Variants in ZBTB20 observed in about 807,000 individuals in gnomAD.
ZBTB20 encodes the protein zinc finger and BTB domain containing 20.
ZBTB20 carries 9 observed loss-of-function variants against 56.9 expected under a neutral mutation model. The ratio of observed to expected loss-of-function variants is 0.16; its 90% CI spans 0.10 to 0.28. The LOEUF (loss-of-function observed/expected upper bound fraction) is 0.28. Among genes scored for constraint, ZBTB20 ranks in the 10% least tolerant of loss-of-function variants. The probability of loss-of-function intolerance (pLI) is 1.00; values close to 1 mark genes in which losing one functional copy is unlikely to be tolerated. For missense variants in ZBTB20, 655 were observed against 1,003.0 expected (o/e 0.65, Z 4.69); for synonymous variants, 417 against 420.7 (o/e 0.99, Z 0.11).
intron 2 of ZBTB20, among the ~76,000 whole-genome samples, chr3:115,000,079 A>G (rs1275595141): frequency 6.6e-6 from 1 of 151,578 alleles, no homozygotes; most frequent in Admixed American, 6.6e-5. Flanking sequence ...GCCATCTCGT[A>G]GAGTGCTATT....
At chr3:114,589,477 C>G (rs1284519186) in intron 6 of ZBTB20, among the ~76,000 whole-genome samples, 1 of 152,118 alleles carries the variant, frequency 6.6e-6, no homozygotes, top group Admixed American at 6.5e-5. Flanking sequence ...GATTTTCTGT[C>G]CTATTCTGTG....
intron 6 of ZBTB20, among the ~76,000 whole-genome samples, chr3:114,527,992 ATTT>A (rs35884469): frequency 7.0e-6 from 1 of 142,456 alleles, no homozygotes; most frequent in Non-Finnish European, 1.5e-5. Flanking sequence ...TCCCTTCATA[ATTT>A]TTTTTTTTTT....
intron 2 of ZBTB20, among the ~76,000 whole-genome samples, chr3:115,070,955 C>A (rs2082388278): frequency 6.7e-6 from 1 of 149,806 alleles, no homozygotes; most frequent in African/African-American, 2.5e-5. Context: ...TGGAGTAAAT[C>A]AATTCACCTC....
intron 4 of ZBTB20, among the ~76,000 whole-genome samples, chr3:114,851,471 T>C (rs556781982): frequency 5.9e-5 from 9 of 152,248 alleles, no homozygotes; most frequent in Non-Finnish European, 1.3e-4. Context: ...ATATAAAGTA[T>C]TCATTATAAT....
chr3:114,474,996 T>C (rs2040581788), intron 7 of ZBTB20, among the ~76,000 whole-genome samples: 1 of 152,158 alleles, frequency 6.6e-6, no homozygotes, highest in Non-Finnish European at 1.5e-5. Flanking sequence ...CTAAAAACTT[T>C]CAATAGCTCC....
At chr3:115,119,848 T>G (rs1172900411) in intron 1 of ZBTB20, among the ~76,000 whole-genome samples, 1 of 152,180 alleles carries the variant, frequency 6.6e-6, no homozygotes, top group African/African-American at 2.4e-5. Context: ...GAATTACTTA[T>G]ATGACACTTA....
chr3:115,088,118 G>T (rs1253579800), intron 1 of ZBTB20, among the ~76,000 whole-genome samples: 2 of 151,862 alleles, frequency 1.3e-5, no homozygotes, highest in Non-Finnish European at 2.9e-5. Flanking sequence ...ATGCCCTACA[G>T]GATTTTTCCT....
chr3:114,838,616 G>A (rs2074233319), intron 4 of ZBTB20, among the ~76,000 whole-genome samples: 1 of 152,114 alleles, frequency 6.6e-6, no homozygotes, highest in Admixed American at 6.5e-5. Flanking sequence ...ATGTAATGGG[G>A]TTATGAAATT....
At chr3:114,983,763 TGTTA>T in intron 2 of ZBTB20, among the ~76,000 whole-genome samples, 1 of 152,210 alleles carries the variant, frequency 6.6e-6, no homozygotes, top group South Asian at 2.1e-4. Context: ...TTAAGTAATT[TGTTA>T]AACTAAATTA....
intron 6 of ZBTB20, among the ~76,000 whole-genome samples, chr3:114,578,708 C>T (rs1577713267): frequency 6.6e-6 from 1 of 151,442 alleles, no homozygotes; most frequent in African/African-American, 2.4e-5. Flanking sequence ...AGATAAATTG[C>T]TATTTAAGAT....
chr3:114,885,511 A>G (rs1448025328), intron 4 of ZBTB20, among the ~76,000 whole-genome samples: 1 of 152,062 alleles, frequency 6.6e-6, no homozygotes, highest in East Asian at 1.9e-4. Context: ...TTATTTACTC[A>G]TGATAGAAGA....
chr3:114,564,178 G>C (rs190373522), intron 6 of ZBTB20, among the ~76,000 whole-genome samples: 1 of 152,074 alleles, frequency 6.6e-6, no homozygotes, highest in Non-Finnish European at 1.5e-5. Flanking sequence ...TGATCCTCCT[G>C]CCTGCCTCTT....
intron 7 of ZBTB20, among the ~76,000 whole-genome samples, chr3:114,396,152 T>C (rs1159851492): frequency 6.6e-6 from 1 of 152,196 alleles, no homozygotes; most frequent in Non-Finnish European, 1.5e-5. Context: ...AAGATCGTTT[T>C]AAACTTTGTA....
chr3:114,470,401 GTAGT>G (rs759715844), intron 7 of ZBTB20, among the ~76,000 whole-genome samples: 8 of 152,036 alleles, frequency 5.3e-5, no homozygotes, highest in Non-Finnish European at 1.2e-4. Flanking sequence ...ATGTTTTATA[GTAGT>G]TAGTTTTTTA....
At position 114,327,049 on chromosome 3, in the gene ZBTB20, T is replaced by C. The variant is rs1022362657; in HGVS notation, c.*11956A>G. On this transcript the variant is annotated 3_prime_UTR_variant, in exon 12 of 12. Coordinates refer to ENST00000675478, the MANE Select transcript of ZBTB20 (RefSeq NM_001348800.3). ...ATCCTCACGAATATATACTATAGTG[T>C]TTCTGTCTATTATTTTGATGCATTA... The C allele has an allele frequency of 1.3e-5, 2 of 152,112 alleles. No homozygotes were observed. The highest frequency in any genetic ancestry group is 2.4e-5 in the African/African-American group (1 of 41,412). The allele number at this position is 152,112 out of a possible 1,614,324, so 9.4% of individuals were successfully genotyped here.
At chr3:114,510,313 C>G (rs1287952774) in intron 6 of ZBTB20, among the ~76,000 whole-genome samples, 1 of 152,158 alleles carries the variant, frequency 6.6e-6, no homozygotes, top group Non-Finnish European at 1.5e-5. Flanking sequence ...GCCCAAAGTA[C>G]TCACTGCATG....
At chr3:114,362,423 C>G (rs553376807) in intron 10 of ZBTB20, among the ~76,000 whole-genome samples, 27 of 152,242 alleles carry the variant, frequency 1.8e-4, no homozygotes, top group African/African-American at 6.5e-4. Flanking sequence ...GTCAGCTCTT[C>G]GCTACACTTC....
intron 5 of ZBTB20, among the ~76,000 whole-genome samples, chr3:114,755,550 T>C (rs183046395): frequency 6.6e-6 from 1 of 152,342 alleles, no homozygotes; most frequent in Non-Finnish European, 1.5e-5. Flanking sequence ...TTTGATTTGC[T>C]GCTAAAATAT....
chr3:114,444,712 C>A lies in ZBTB20; in HGVS notation c.-254-55607G>T, dbSNP rs2091157634. Among the ~76,000 whole-genome samples, 4 of 151,962 alleles carry A rather than the reference C, an allele frequency of 2.6e-5. No homozygotes were observed. In the South Asian group the frequency reaches 8.3e-4, roughly 32 times the overall value. ...TATCATTTCTTAATCTGTTGGACAA[C>A]CCCCTCATCAAATTTTTTTTGATAA... On this transcript the variant is annotated intron_variant, in intron 7 of 11. Transcript: ENST00000675478.
Sources: gnomAD v4.1 joint callset for allele counts (sites outside exome capture counted in the v4.1 genomes callset) on GRCh38, gnomAD v4.1.1 for gene constraint, MANE v1.5 for transcripts, NCBI Gene and HGNC (gene_info 2026-07-23, HGNC 2026-07-21) for gene names.